Variants in CSMD1 observed in about 807,000 individuals in gnomAD.
The protein encoded by CSMD1 is CUB and Sushi multiple domains 1, also known as CUB and sushi domain-containing protein 1.
CSMD1 carries 213 observed loss-of-function variants against 417.5 expected under a neutral mutation model. The ratio of observed to expected loss-of-function variants is 0.51; its 90% CI spans 0.46 to 0.57. The LOEUF (loss-of-function observed/expected upper bound fraction) is 0.57. CSMD1 is among the 20% of genes least tolerant of loss of function. The pLI, the probability that CSMD1 is intolerant of heterozygous loss-of-function variation, is 0.00. For missense variants in CSMD1, 6,923 were observed against 4,529.7 expected, an observed-to-expected ratio of 1.53 and a Z score of -15.17; for synonymous variants, 2,862 against 1,736.8, an observed-to-expected ratio of 1.65 and a Z score of -16.11.
intron 5 of CSMD1, among the ~76,000 whole-genome samples, chr8:3,763,934 A>T (rs1262723812): frequency 6.6e-6 from 1 of 152,140 alleles, no homozygotes; most frequent in Non-Finnish European, 1.5e-5. Flanking sequence ...GGGAATCAAA[A>T]GATCCCATAA....
At chr8:4,339,921 G>T (rs918855565) in intron 3 of CSMD1, among the ~76,000 whole-genome samples, 1 of 151,946 alleles carries the variant, frequency 6.6e-6, no homozygotes, top group South Asian at 2.1e-4. Flanking sequence ...GCTCCTAAGG[G>T]GCCTGAGGCA....
At chr8:3,328,704 G>A (rs1276628614) in intron 23 of CSMD1, among the ~76,000 whole-genome samples, 2 of 152,118 alleles carry the variant, frequency 1.3e-5, no homozygotes, top group East Asian at 1.9e-4. Flanking sequence ...AGAGGATGAG[G>A]TTCATGTGAA....
intron 6 of CSMD1, among the ~76,000 whole-genome samples, chr8:3,718,296 A>G (rs574170651): frequency 2.0e-5 from 3 of 151,632 alleles, no homozygotes; most frequent in Non-Finnish European, 4.4e-5. Context: ...GCATTCCTGC[A>G]TTTTTTTTAT....
intron 49 of CSMD1, among the ~76,000 whole-genome samples, chr8:3,083,448 AT>A (rs920320121): frequency 2.7e-5 from 4 of 149,310 alleles, no homozygotes; most frequent in Non-Finnish European, 4.4e-5. Context: ...CGAATCTATA[AT>A]TTTTTTTAAT....
intron 4 of CSMD1, among the ~76,000 whole-genome samples, chr8:4,001,441 T>C (rs935522783): frequency 6.6e-6 from 1 of 152,096 alleles, no homozygotes. Context: ...GGGTAGTGGA[T>C]ATGAGTTAAC....
chr8:3,743,066 C>T (rs187962035), intron 6 of CSMD1, among the ~76,000 whole-genome samples: 4 of 152,288 alleles, frequency 2.6e-5, no homozygotes, highest in Non-Finnish European at 5.9e-5. Flanking sequence ...TGTATGGCAG[C>T]TGTGCTTAGC....
chr8:4,870,366 A>C (rs904676649), intron 1 of CSMD1, among the ~76,000 whole-genome samples: 1 of 152,124 alleles, frequency 6.6e-6, no homozygotes, highest in Non-Finnish European at 1.5e-5. Context: ...TATTTATTTC[A>C]CCTAACAAGA....
At position 4,776,941 on chromosome 8, in the gene CSMD1, T is replaced by A. The variant is rs553602980; in HGVS notation, c.86-139383A>T. The stretch of plus-strand genomic sequence containing the variant: ...GTTACTAAGATTAAAGGCACTGGTG[T>A]TTGTAAAATTACGAGCTAACAATTA... On this transcript the variant is annotated intron_variant, in intron 1 of 69. Coordinates refer to ENST00000635120, the MANE Select transcript of CSMD1 (RefSeq NM_033225.6). 4.9e-4 allele frequency among the ~76,000 whole-genome samples: 74 copies of A among 152,358 alleles called. 1 individual carries two copies. The highest frequency in any genetic ancestry group is 1.6e-3 in the African/African-American group (68 of 41,596).
At chr8:3,546,253 G>T (rs574320205) in intron 10 of CSMD1, among the ~76,000 whole-genome samples, 92 of 142,406 alleles carry the variant, frequency 6.5e-4, no homozygotes, top group Admixed American at 1.6e-3. Context: ...CTGGCCACGT[G>T]AATTTTTCCT....
At position 3,110,324 on chromosome 8, in the gene CSMD1, A is replaced by G. The variant is rs200633394; in HGVS notation, c.6442T>C (p.Tyr2148His). ...PFPRCDAPCG[Y>H]NVTSQNGTIY... ...GTGCCGTTCTGAGAAGTTACGTTGT[A>G]CCCACAAGGGGCTGCAAAGGAAACC... The change falls in exon 43 of 70, where the codon TAC becomes CAC. Residue 2148 changes from tyrosine (Y) to histidine (H), a missense_variant. Transcript: ENST00000635120. The G allele has an allele frequency of 6.2e-6, 10 of 1,609,724 alleles. No homozygotes were observed. The highest frequency in any genetic ancestry group is 8.5e-6 in the Non-Finnish European group (10 of 1,178,174).
intron 7 of CSMD1, among the ~76,000 whole-genome samples, chr8:3,653,788 C>G (rs181958559): frequency 1.4e-4 from 21 of 152,302 alleles, no homozygotes; most frequent in African/African-American, 4.8e-4. Context: ...ATATCCCTAA[C>G]TCGTGACACA....
intron 11 of CSMD1, among the ~76,000 whole-genome samples, chr8:3,478,167 T>C (rs773698228): frequency 3.3e-5 from 5 of 152,212 alleles, no homozygotes; most frequent in Non-Finnish European, 5.9e-5. Context: ...TACAGCCAGG[T>C]GGCACAGAAG....
At chr8:3,657,496 G>T (rs937716035) in intron 7 of CSMD1, among the ~76,000 whole-genome samples, 1 of 152,052 alleles carries the variant, frequency 6.6e-6, no homozygotes, top group African/African-American at 2.4e-5. Flanking sequence ...ACATATACAC[G>T]ATGGAATACT....
At chr8:4,127,586 T>C (rs1802842532) in intron 3 of CSMD1, among the ~76,000 whole-genome samples, 1 of 152,096 alleles carries the variant, frequency 6.6e-6, no homozygotes, top group Admixed American at 6.5e-5. Flanking sequence ...TTTCTAATTG[T>C]TTCTACTTTC....
chr8:3,984,937 T>G (rs1814206294), intron 5 of CSMD1, among the ~76,000 whole-genome samples: 1 of 152,016 alleles, frequency 6.6e-6, no homozygotes, highest in Non-Finnish European at 1.5e-5. Flanking sequence ...TATAAGCCTT[T>G]AAAATTAACA....
At chr8:4,931,196 G>T (rs1398370327) in intron 1 of CSMD1, among the ~76,000 whole-genome samples, 4 of 152,134 alleles carry the variant, frequency 2.6e-5, no homozygotes, top group African/African-American at 4.8e-5. Context: ...AGTCCTAAAA[G>T]ATTGAAATAT....
chr8:3,470,382 G>A (rs779660438), intron 11 of CSMD1, among the ~76,000 whole-genome samples: 4 of 152,084 alleles, frequency 2.6e-5, no homozygotes, highest in South Asian at 2.1e-4. Flanking sequence ...TACACATGTG[G>A]TAGGTAGTAC....
At chr8:4,708,688 G>A (rs966337790) in intron 1 of CSMD1, among the ~76,000 whole-genome samples, 1 of 151,268 alleles carries the variant, frequency 6.6e-6, no homozygotes, top group Non-Finnish European at 1.5e-5. Flanking sequence ...TTTTTTTTAA[G>A]AGAAAGATTT....
intron 2 of CSMD1, among the ~76,000 whole-genome samples, chr8:4,465,997 C>T (rs911772619): frequency 2.0e-5 from 3 of 152,278 alleles, no homozygotes; most frequent in East Asian, 3.9e-4. Flanking sequence ...AAGACTGAGA[C>T]ATTAAAGATG....
Sources: allele counts gnomAD v4.1 joint callset (sites outside exome capture counted in the v4.1 genomes callset), GRCh38; gene constraint gnomAD v4.1.1; transcripts MANE v1.5; gene names NCBI Gene and HGNC (gene_info 2026-07-23, HGNC 2026-07-21).